Variants in SLC24A5 observed in about 807,000 individuals in gnomAD.
The protein encoded by SLC24A5 is solute carrier family 24 member 5.
A neutral mutation model predicts 51.6 loss-of-function variants in SLC24A5; 46 were observed. The ratio of observed to expected loss-of-function variants is 0.89; its 90% CI spans 0.70 to 1.14. The LOEUF is 1.14. Ranked by LOEUF, SLC24A5 falls within the 50% of genes most tolerant of loss-of-function variation. SLC24A5 has a pLI of 0.00. For missense variants in SLC24A5, 581 were observed against 604.1 expected, an observed-to-expected ratio of 0.96 and a Z score of 0.40; for synonymous variants, 230 against 214.9, an observed-to-expected ratio of 1.07 and a Z score of -0.62.
At chr15:48,136,487 G>T in intron 5 of SLC24A5, 196 bp from the exon 6 acceptor site, 4 of 439,136 alleles carry the variant, frequency 9.1e-6, no homozygotes, top group Admixed American at 4.2e-5. Flanking sequence ...ACACAGAAGT[G>T]TCCAGCTTTT....
chr15:48,141,267 G>A (rs1235454517), intron 8 of SLC24A5, 53 bp downstream of exon 8: 3 of 1,385,094 alleles, frequency 2.2e-6, no homozygotes, highest in East Asian at 2.3e-5. Context: ...GCTAGAATGA[G>A]TAAAAGTAGC....
chr15:48,121,264 C>T, intron 1 of SLC24A5, 99 bp downstream of exon 1: 1 of 1,262,520 alleles, frequency 7.9e-7, no homozygotes, highest in Non-Finnish European at 1.1e-6. Flanking sequence ...TCTCAATGGG[C>T]TCACTTTTAC....
chr15:48,139,261 A>C, intron 7 of SLC24A5, 86 bp downstream of exon 7: 1 of 1,126,796 alleles, frequency 8.9e-7, no homozygotes, highest in Admixed American at 2.1e-5. Context: ...GTCTAGCTAC[A>C]CAGCAAATTT....
chr15:48,136,954 G>A lies in SLC24A5; in HGVS notation c.862G>A (p.Val288Ile), dbSNP rs2140742336. Residue 288 changes from valine to isoleucine, a missense_variant, in exon 6 of 9, where the codon GTT (valine) becomes ATT (isoleucine). Transcript: ENST00000341459. ...LSISLHGLSQ[V>I]SEDPPSVFNM... ...TATAAGTTTACATGGCCTTAGTCAGGTTTCTGAAGGTAATCACTAAATCTT... is the reference window on the plus strand; with the variant it reads ...TATAAGTTTACATGGCCTTAGTCAGATTTCTGAAGGTAATCACTAAATCTT... 2 of 1,605,842 alleles carry A rather than the reference G, an allele frequency of 1.2e-6. No homozygotes were observed. Among genetic ancestry groups the A allele is most frequent in the South Asian group, 1.1e-5 (1 of 90,292 alleles).
At chr15:48,139,331 A>G (rs1249236907) in intron 7 of SLC24A5, 156 bp downstream of exon 7, 3 of 570,586 alleles carry the variant, frequency 5.3e-6, no homozygotes, top group Non-Finnish European at 9.2e-6. Context: ...TACTATAACA[A>G]GATCACTGGA....
Position 48,121,767 on chromosome 15 carries a change from C to T in SLC24A5, c.122-90C>T, listed in dbSNP as rs891581415. ...TCCTTAAAATTCCACCCGGTTACCCCACACTTACAGATTTCTTAAGGAAGC... is the reference window on the plus strand; with the variant it reads ...TCCTTAAAATTCCACCCGGTTACCCTACACTTACAGATTTCTTAAGGAAGC... On this transcript the variant is annotated intron_variant, in intron 1 of 8. Transcript: ENST00000341459. The T allele has an allele frequency of 1.1e-5, 15 of 1,315,132 alleles. No individual in the cohort carries two copies. The African/African-American group carries it at 1.9e-4, about 17-fold the overall frequency. The allele number at this position is 1,315,132 out of a possible 1,614,324, so 81.5% of individuals were successfully genotyped here. A position where few individuals can be genotyped will look rare whatever the true frequency, so the allele number is the denominator to read the frequency against.
At chr15:48,121,792 C>T (rs1183491156) in intron 1 of SLC24A5, 65 bp from the exon 2 acceptor site, 1 of 1,504,560 alleles carries the variant, frequency 6.6e-7, no homozygotes, top group African/African-American at 1.4e-5. Context: ...CTTAAGGAAG[C>T]TCTCTGTGGG....
rs767997472 is a variant in SLC24A5 at position 48,134,472 on chromosome 15, C to T, written c.423C>T (p.Thr141=). 3 of 1,613,544 alleles carry T rather than the reference C, an allele frequency of 1.9e-6. No individual in the cohort carries two copies. In the South Asian group the frequency reaches 3.3e-5, roughly 18 times the overall value. ...CAAAGGGAGATATTGGCATTAGCAC[C>T]ATCCTTGGATCTGCAATTTATAATC... ...FITKGDIGIS[T]ILGSAIYNLL... is the part of the protein sequence containing the mutation. The change falls in exon 4 of 9, where the codon ACC becomes ACT. Residue 141 remains threonine, a synonymous_variant. Coordinates refer to ENST00000341459, the MANE Select transcript of SLC24A5 (RefSeq NM_205850.3).
intron 4 of SLC24A5, 164 bp downstream of exon 4, chr15:48,134,702 C>T (rs1305403429): frequency 1.4e-6 from 1 of 717,186 alleles, no homozygotes; most frequent in Non-Finnish European, 2.3e-6. Context: ...CCACAAATAG[C>T]TCTTGGTCAG....
Position 48,139,022 on chromosome 15 carries a change from G to GT in SLC24A5, c.926dup (p.Leu310IlefsTer17). 1 of 1,612,936 alleles carries GT rather than the reference G, an allele frequency of 6.2e-7. No individual in the cohort carries two copies. The highest frequency in any genetic ancestry group is 1.1e-5 in the South Asian group (1 of 91,020). On this transcript the variant is annotated frameshift_variant, in exon 7 of 9. Coordinates refer to ENST00000341459, the MANE Select transcript of SLC24A5 (RefSeq NM_205850.3). LOFTEE classifies it high-confidence loss of function. ...AGCAGACTTAAAAAGAATTTTTTGG[G>GT]TATTATCCCTTCCTATTATTACATT...
chr15:48,134,536 A>G lies in SLC24A5; in HGVS notation c.487A>G (p.Thr163Ala). ...ICAACGLLSN[T>A]VSTLSCWPLF... ...TGCTGCCTGTGGTTTGCTATCTAAT[A>G]CGGTATGTAACAAAACCATTCAACA... is the stretch of plus-strand genomic sequence containing the variant. Residue 163 changes from threonine to alanine, a missense_variant and splice_region_variant, in exon 4 of 9, where the codon ACG (threonine) becomes GCG (alanine). Thr to Ala is a moderately conservative substitution (Grantham distance 58, BLOSUM62 0). Coordinates refer to ENST00000341459, the MANE Select transcript of SLC24A5 (RefSeq NM_205850.3). 6.2e-7 allele frequency: 1 copy of G among 1,607,024 alleles called. No homozygotes were observed.
At chr15:48,139,363 T>C (rs761893527) in intron 7 of SLC24A5, 188 bp downstream of exon 7, 1 of 484,080 alleles carries the variant, frequency 2.1e-6, no homozygotes, top group Non-Finnish European at 3.7e-6. Flanking sequence ...GCATATTATA[T>C]ATAAACTGTA....
At chr15:48,138,631 C>T in intron 6 of SLC24A5, 1 of 194,602 alleles carries the variant, frequency 5.1e-6, no homozygotes, top group Non-Finnish European at 1.1e-5. Flanking sequence ...CAGGTTAATC[C>T]CTTAAGCAAA....
intron 8 of SLC24A5, 113 bp downstream of exon 8, chr15:48,141,327 C>G: frequency 1.2e-6 from 1 of 839,194 alleles, no homozygotes; most frequent in South Asian, 1.7e-5. Flanking sequence ...GCCTGTAATC[C>G]CAGGATTTTG....
At chr15:48,133,396 G>A (rs2140724908) in intron 2 of SLC24A5, among the ~76,000 whole-genome samples, 1 of 152,142 alleles carries the variant, frequency 6.6e-6, no homozygotes, top group South Asian at 2.1e-4. Flanking sequence ...CCCATGGTAG[G>A]TCCCTTGGCC....
Position 48,142,366 on chromosome 15 carries a change from T to G in SLC24A5, c.*15T>G. On this transcript the variant is annotated 3_prime_UTR_variant, in exon 9 of 9. Coordinates refer to ENST00000341459, the MANE Select transcript of SLC24A5 (RefSeq NM_205850.3). ...GTGGAGGTTGATATTATTAATAGTG[T>G]TATGCAGAAAATATGAATGGCAGGG... 2 of 1,494,196 alleles carry G rather than the reference T, an allele frequency of 1.3e-6. No homozygotes were observed. The highest frequency in any genetic ancestry group is 1.8e-6 in the Non-Finnish European group (2 of 1,105,826). The allele number at this position is 1,494,196 out of a possible 1,614,324, so 92.6% of individuals were successfully genotyped here. A position where few individuals can be genotyped will look rare whatever the true frequency, so the allele number is the denominator to read the frequency against.
chr15:48,134,220 A>C, intron 2 of SLC24A5, 38 bp from the exon 3 acceptor site: 1 of 1,554,020 alleles, frequency 6.4e-7, no homozygotes. Flanking sequence ...ATACTCTTTC[A>C]CTTTATTAGG....
In SLC24A5 at chr15:48,136,834, A is replaced by G. The variant is rs2038912026; in HGVS notation, c.742A>G (p.Met248Val). 6.2e-7 allele frequency: 1 copy of G among 1,613,758 alleles called. No homozygotes were observed. Among genetic ancestry groups the G allele is most frequent in the African/African-American group, 1.3e-5 (1 of 74,914 alleles). ...GGAGAGAAGTGAACAACAGCCACTG[A>G]TGGGCTGGGAAGATGAAGGTCAACC... ...AMERSEQQPL[M>V]GWEDEGQPFI... Residue 248 changes from methionine to valine, a missense_variant, in exon 6 of 9, where the codon ATG (methionine) becomes GTG (valine). Physicochemically the swap from Met to Val is conservative, Grantham distance 21. Coordinates refer to ENST00000341459, the MANE Select transcript of SLC24A5 (RefSeq NM_205850.3).
chr15:48,142,336 G>A lies in SLC24A5; in HGVS notation c.1488G>A (p.Arg496=), dbSNP rs201395905. ...ELGIIGNNKI[R]GCGG Reference sequence around the variant, plus strand: ...GAATTATTGGAAATAATAAAATAAGGGGCTGTGGAGGTTGATATTATTAAT... The same window carrying A: ...GAATTATTGGAAATAATAAAATAAGAGGCTGTGGAGGTTGATATTATTAAT... Residue 496 remains arginine (R), a synonymous_variant, in exon 9 of 9, where the codon AGG becomes AGA. Transcript: ENST00000341459. 2.1e-5 allele frequency: 33 copies of A among 1,597,452 alleles called. No individual in the cohort carries two copies. In the African/African-American group the frequency reaches 4.1e-4, roughly 20 times the overall value.
Sources: gnomAD v4.1 joint callset for allele counts (sites outside exome capture counted in the v4.1 genomes callset) on GRCh38, gnomAD v4.1.1 for gene constraint, MANE v1.5 for transcripts, NCBI Gene and HGNC (gene_info 2026-07-23, HGNC 2026-07-21) for gene names.